The following DNAH11 variants were observed in gnomAD, a reference collection of about 807,000 sequenced individuals.
The protein encoded by DNAH11 is dynein axonemal heavy chain 11.
Under a neutral mutation model 526.0 loss-of-function variants are expected in DNAH11, and 442 were observed. The observed-to-expected ratio is 0.84, with a 90% CI of 0.78 to 0.91. The LOEUF is 0.91. Among genes scored for constraint, DNAH11 ranks in the 40% least tolerant of loss-of-function variants. The pLI, the probability that DNAH11 is intolerant of heterozygous loss-of-function variation, is 0.00. For missense variants in DNAH11, 6,989 were observed against 5,448.7 expected, an observed-to-expected ratio of 1.28 and a Z score of -8.90; for synonymous variants, 2,461 against 1,935.9, an observed-to-expected ratio of 1.27 and a Z score of -7.12.
At chr7:21,776,479 G>T (rs1787676854) in intron 56 of DNAH11, among the ~76,000 whole-genome samples, 1 of 152,146 alleles carries the variant, frequency 6.6e-6, no homozygotes, top group Non-Finnish European at 1.5e-5. Context: ...TCCTCTAAGG[G>T]TCTGCCTTAA....
chr7:21,851,797 T>A (rs899545245), intron 66 of DNAH11, among the ~76,000 whole-genome samples: 2 of 152,198 alleles, frequency 1.3e-5, no homozygotes, highest in Admixed American at 6.5e-5. Context: ...CGTTCTCTGA[T>A]GTATGTAGGA....
chr7:21,850,253 G>C (rs1170743047), intron 66 of DNAH11, among the ~76,000 whole-genome samples: 1 of 151,266 alleles, frequency 6.6e-6, no homozygotes, highest in Admixed American at 6.6e-5. Context: ...CTACTCGGGA[G>C]GCTGAGGCAG....
chr7:21,615,951 T>C (rs905067830), intron 21 of DNAH11, among the ~76,000 whole-genome samples: 1 of 152,258 alleles, frequency 6.6e-6, no homozygotes, highest in Non-Finnish European at 1.5e-5. Flanking sequence ...GATTAAGTGA[T>C]AATGATGGTA....
intron 18 of DNAH11, among the ~76,000 whole-genome samples, chr7:21,604,642 G>A (rs897826714): frequency 6.6e-6 from 1 of 152,144 alleles, no homozygotes; most frequent in African/African-American, 2.4e-5. Flanking sequence ...GACTTTGAGA[G>A]GCTTTGGAGA....
chr7:21,572,740 T>G (rs1164160928), intron 8 of DNAH11, among the ~76,000 whole-genome samples: 1 of 152,252 alleles, frequency 6.6e-6, no homozygotes, highest in Non-Finnish European at 1.5e-5. Context: ...AGGATGTAGT[T>G]AGCAAACTTA....
At position 21,789,265 on chromosome 7, in the gene DNAH11, C is replaced by T. The variant is rs578184089; in HGVS notation, c.9949C>T (p.Arg3317Cys). The change falls in exon 61 of 82, where the codon CGC becomes TGC. Residue 3317 changes from arginine (R) to cysteine (C), a missense_variant. Physicochemically the swap from Arg to Cys is radical, Grantham distance 180. Coordinates refer to ENST00000409508, the MANE Select transcript of DNAH11 (RefSeq NM_001277115.2). ...GGTCTACTGTGATGTGGAGCCAAAA[C>T]GCCAAGCATTAGCCCAAGCAAACTT... ...YEVYCDVEPK[R>C]QALAQANLEL... is the part of the protein sequence containing the mutation. The T allele has an allele frequency of 7.0e-6, 11 of 1,574,500 alleles. No homozygotes were observed. The highest frequency in any genetic ancestry group is 8.6e-6 in the Non-Finnish European group (10 of 1,159,514).
intron 28 of DNAH11, among the ~76,000 whole-genome samples, chr7:21,649,441 T>C (rs1429579166): frequency 1.6e-4 from 24 of 152,144 alleles, no homozygotes; most frequent in Non-Finnish European, 2.9e-5. Flanking sequence ...ATTGTCTTTA[T>C]ACAATGGAAT....
chr7:21,612,904 C>A (rs773419633), intron 20 of DNAH11, among the ~76,000 whole-genome samples: 2 of 152,058 alleles, frequency 1.3e-5, no homozygotes, highest in African/African-American at 4.8e-5. Flanking sequence ...GAGAAAAAAT[C>A]GTATGATTAT....
At chr7:21,566,247 C>A (rs1783662588) in intron 6 of DNAH11, among the ~76,000 whole-genome samples, 1 of 152,184 alleles carries the variant, frequency 6.6e-6, no homozygotes, top group African/African-American at 2.4e-5. Flanking sequence ...CAGCCAGAGT[C>A]TGCCAAGCTC....
chr7:21,786,572 C>A, intron 58 of DNAH11, 52 bp from the exon 59 acceptor site: 2 of 1,537,568 alleles, frequency 1.3e-6, no homozygotes, highest in South Asian at 2.6e-5. Flanking sequence ...AGAGCTTCTC[C>A]AGACTTCCGC....
intron 34 of DNAH11, among the ~76,000 whole-genome samples, chr7:21,689,742 C>T (rs1783530570): frequency 6.6e-6 from 1 of 152,242 alleles, no homozygotes; most frequent in African/African-American, 2.4e-5. Context: ...ACCCTTAGTC[C>T]TAAACACTGT....
intron 54 of DNAH11, among the ~76,000 whole-genome samples, chr7:21,751,476 G>A (rs1191159779): frequency 6.6e-6 from 1 of 152,138 alleles, no homozygotes; most frequent in African/African-American, 2.4e-5. Flanking sequence ...AACAGGGAGA[G>A]CCTCCAAACT....
At chr7:21,831,054 C>T (rs185491047) in intron 65 of DNAH11, among the ~76,000 whole-genome samples, 33 of 152,242 alleles carry the variant, frequency 2.2e-4, no homozygotes, top group African/African-American at 7.0e-4. Context: ...CTTGACTCTC[C>T]GTGTGATGCA....
chr7:21,546,178 A>T (rs1782797535), intron 2 of DNAH11, among the ~76,000 whole-genome samples: 3 of 152,026 alleles, frequency 2.0e-5, no homozygotes, highest in African/African-American at 7.3e-5. Context: ...GTCTCTCATG[A>T]TCACACCTCT....
chr7:21,744,300 A>G, intron 49 of DNAH11, 138 bp from the exon 50 acceptor site: 1 of 988,110 alleles, frequency 1.0e-6, no homozygotes, highest in Middle Eastern at 2.9e-4. Flanking sequence ...ACTTTTATAC[A>G]CGAACACGCA....
intron 46 of DNAH11, among the ~76,000 whole-genome samples, chr7:21,737,379 A>T (rs1047078644): frequency 3.9e-5 from 6 of 152,208 alleles, no homozygotes; most frequent in African/African-American, 1.2e-4. Context: ...TAGTTTTAAA[A>T]CTGGGACAAT....
intron 8 of DNAH11, among the ~76,000 whole-genome samples, chr7:21,572,971 T>C (rs1783951408): frequency 1.3e-5 from 2 of 152,202 alleles, no homozygotes; most frequent in African/African-American, 4.8e-5. Flanking sequence ...AATGGGATTC[T>C]TAAGAGAGCC....
chr7:21,854,538 A>G (rs1782760937), intron 68 of DNAH11, 83 bp downstream of exon 68: 1 of 1,290,638 alleles, frequency 7.7e-7, no homozygotes, highest in Non-Finnish European at 1.1e-6. Context: ...TTTATTATTG[A>G]TAATAATAAT....
chr7:21,757,381 G>T (rs535578838), intron 54 of DNAH11, among the ~76,000 whole-genome samples: 3 of 152,096 alleles, frequency 2.0e-5, no homozygotes, highest in African/African-American at 7.2e-5. Context: ...TTAGGAAAAG[G>T]TGTTGCAGTT....
Sources: gnomAD v4.1 joint callset for allele counts (sites outside exome capture counted in the v4.1 genomes callset) on GRCh38, gnomAD v4.1.1 for gene constraint, MANE v1.5 for transcripts, NCBI Gene and HGNC (gene_info 2026-07-23, HGNC 2026-07-21) for gene names.